The following MECOM variants were observed in gnomAD, a reference collection of about 807,000 sequenced individuals.
MECOM encodes the protein MDS1 and EVI1 complex locus, also known as histone-lysine N-methyltransferase MECOM.
A neutral mutation model predicts 116.3 loss-of-function variants in MECOM; 13 were observed. The observed-to-expected ratio is 0.11, with a 90% CI of 0.07 to 0.18. The LOEUF (loss-of-function observed/expected upper bound fraction) is 0.18, where lower values mean the gene tolerates loss of function less well. Ranked by LOEUF, MECOM falls within the 10% of genes least tolerant of loss-of-function variation. MECOM has a pLI of 1.00. For synonymous variants in MECOM, 528 were observed against 535.2 expected (o/e 0.99, Z 0.19); for missense variants, 1,299 against 1,509.0 (o/e 0.86, Z 2.31).
chr3:169,088,472 G>C (rs1196259612), intron 16 of MECOM, among the ~76,000 whole-genome samples: 1 of 152,096 alleles, frequency 6.6e-6, no homozygotes, highest in Non-Finnish European at 1.5e-5. Flanking sequence ...AAATCTGCCA[G>C]TAAGTTGGTG....
chr3:169,128,119 C>T, intron 4 of MECOM, 59 bp from the exon 5 acceptor site: 1 of 1,448,874 alleles, frequency 6.9e-7, no homozygotes, highest in Non-Finnish European at 9.7e-7. Flanking sequence ...CACAAACCAG[C>T]CAATCTTACC....
intron 2 of MECOM, among the ~76,000 whole-genome samples, chr3:169,202,622 C>T (rs563997356): frequency 2.0e-5 from 3 of 151,926 alleles, no homozygotes; most frequent in African/African-American, 7.2e-5. Flanking sequence ...TACAGAGAGG[C>T]CTTTACATTT....
At chr3:169,128,751 T>G (rs1733717208) in intron 4 of MECOM, among the ~76,000 whole-genome samples, 1 of 152,224 alleles carries the variant, frequency 6.6e-6, no homozygotes, top group African/African-American at 2.4e-5. Flanking sequence ...ATAGCTTTGT[T>G]AAATAGAAAA....
At chr3:169,375,660 C>T (rs1221033430) in intron 2 of MECOM, among the ~76,000 whole-genome samples, 1 of 152,042 alleles carries the variant, frequency 6.6e-6, no homozygotes, top group East Asian at 1.9e-4. Flanking sequence ...ACACCAATAA[C>T]AAGTTCTGAA....
chr3:169,215,004 G>A (rs1751245125), intron 2 of MECOM, among the ~76,000 whole-genome samples: 1 of 150,016 alleles, frequency 6.7e-6, no homozygotes, highest in African/African-American at 2.4e-5. Context: ...AAGCCTAAAA[G>A]CCCAGGCTTT....
intron 2 of MECOM, among the ~76,000 whole-genome samples, chr3:169,264,869 C>T (rs1022414007): frequency 1.3e-5 from 2 of 152,196 alleles, no homozygotes; most frequent in African/African-American, 4.8e-5. Context: ...AACTGCTGTT[C>T]AGGCAGCTGC....
At chr3:169,184,442 T>C (rs1305302563) in intron 2 of MECOM, among the ~76,000 whole-genome samples, 1 of 152,212 alleles carries the variant, frequency 6.6e-6, no homozygotes, top group Non-Finnish European at 1.5e-5. Flanking sequence ...CGTTTGGAAT[T>C]AAATCACGGA....
rs193068696 is a variant in MECOM at position 169,108,864 on chromosome 3, A to C, written c.2578-912T>G. On this transcript the variant is annotated intron_variant, in intron 9 of 16. Coordinates refer to ENST00000651503, the MANE Select transcript of MECOM (RefSeq NM_004991.4). ...TAGTAGCATGATAATCAGCCAATTT[A>C]AAAGAAAGAAAATATAAAAGAATGA... 3.4e-4 allele frequency among the ~76,000 whole-genome samples: 52 copies of C among 152,258 alleles called. No homozygotes were observed. In the East Asian group the frequency reaches 6.8e-3, roughly 20 times the overall value.
chr3:169,465,763 T>C (rs1251694197), intron 1 of MECOM, among the ~76,000 whole-genome samples: 1 of 152,192 alleles, frequency 6.6e-6, no homozygotes, highest in Non-Finnish European at 1.5e-5. Context: ...GAAAATTCAA[T>C]CTTGGAGATA....
intron 2 of MECOM, among the ~76,000 whole-genome samples, chr3:169,242,640 T>C (rs914500038): frequency 1.3e-5 from 2 of 152,030 alleles, no homozygotes; most frequent in Non-Finnish European, 2.9e-5. Context: ...TCTATCATAC[T>C]GATTGACGAA....
chr3:169,551,825 T>C (rs1484276651), intron 1 of MECOM, among the ~76,000 whole-genome samples: 1 of 152,194 alleles, frequency 6.6e-6, no homozygotes, highest in Non-Finnish European at 1.5e-5. Flanking sequence ...CAATGAATAA[T>C]GAATAAACAA....
In MECOM at chr3:169,497,406, T is replaced by C. The variant is rs533140524; in HGVS notation, c.38-115882A>G. Among the ~76,000 whole-genome samples, 4 of 151,938 alleles carry C rather than the reference T, an allele frequency of 2.6e-5. No homozygotes were observed. In the South Asian group the frequency reaches 8.3e-4, roughly 32 times the overall value. On this transcript the variant is annotated intron_variant, in intron 1 of 16. Coordinates refer to ENST00000651503, the MANE Select transcript of MECOM (RefSeq NM_004991.4). ...TGTTGCCCAGGCTGGAGTGCAGTAGTGTGATCTCAGCTCACTGCAACCTCT... is the reference window on the plus strand; with the variant it reads ...TGTTGCCCAGGCTGGAGTGCAGTAGCGTGATCTCAGCTCACTGCAACCTCT...
intron 1 of MECOM, among the ~76,000 whole-genome samples, chr3:169,580,474 A>T (rs953731489): frequency 1.1e-4 from 17 of 152,194 alleles, no homozygotes; most frequent in Admixed American, 6.5e-5. Flanking sequence ...TCTAAAACTA[A>T]ATGAATAAAA....
chr3:169,627,637 T>C (rs930573383), intron 1 of MECOM, among the ~76,000 whole-genome samples: 7 of 152,236 alleles, frequency 4.6e-5, no homozygotes, highest in African/African-American at 1.2e-4. Flanking sequence ...CTAGTAATAA[T>C]GGATTCTAAG....
chr3:169,255,562 A>G (rs1373968606), intron 2 of MECOM, among the ~76,000 whole-genome samples: 1 of 152,170 alleles, frequency 6.6e-6, no homozygotes, highest in African/African-American at 2.4e-5. Context: ...AAATACTTTG[A>G]CATCATTATA....
intron 1 of MECOM, among the ~76,000 whole-genome samples, chr3:169,524,074 T>C (rs1423534694): frequency 6.8e-6 from 1 of 148,050 alleles, no homozygotes; most frequent in African/African-American, 2.5e-5. Context: ...ATTTGCTGTT[T>C]ATTTTAAATT....
At chr3:169,464,519 T>G (rs895564017) in intron 1 of MECOM, among the ~76,000 whole-genome samples, 2 of 151,998 alleles carry the variant, frequency 1.3e-5, no homozygotes, top group Non-Finnish European at 2.9e-5. Context: ...CTTATTACTT[T>G]TATTCACTCT....
chr3:169,388,196 G>A lies in MECOM; in HGVS notation c.38-6672C>T, dbSNP rs371594135. On this transcript the variant is annotated intron_variant, in intron 1 of 16. Transcript: ENST00000651503. Reference sequence around the variant, plus strand: ...GTCCATGAGCTGATGCCTGCTAACAGTGCGGCAGGGAAGGGAGGGGGAAGA... The same window carrying A: ...GTCCATGAGCTGATGCCTGCTAACAATGCGGCAGGGAAGGGAGGGGGAAGA... Among the ~76,000 whole-genome samples the A allele has an allele frequency of 4.6e-5, 7 of 152,154 alleles. No individual in the cohort carries two copies. In the East Asian group the frequency reaches 7.7e-4, roughly 17 times the overall value.
At chr3:169,355,162 C>T (rs976241714) in intron 2 of MECOM, among the ~76,000 whole-genome samples, 1 of 151,896 alleles carries the variant, frequency 6.6e-6, no homozygotes, top group Non-Finnish European at 1.5e-5. Flanking sequence ...AGCATGAGTG[C>T]GATTAGCAGC....
Sources: allele counts gnomAD v4.1 joint callset (sites outside exome capture counted in the v4.1 genomes callset), GRCh38; gene constraint gnomAD v4.1.1; transcripts MANE v1.5; gene names NCBI Gene and HGNC (gene_info 2026-07-23, HGNC 2026-07-21).